Variants in CDH13 observed in about 807,000 individuals in gnomAD.
CDH13 encodes cadherin 13.
In CDH13, 24 loss-of-function variants were observed where a neutral mutation model predicts 63.8. The observed-to-expected ratio is 0.38, with a 90% CI of 0.27 to 0.53. The LOEUF (loss-of-function observed/expected upper bound fraction) is 0.53, where lower values mean the gene tolerates loss of function less well. CDH13 is among the 20% of genes least tolerant of loss of function. The pLI, the probability that CDH13 is intolerant of heterozygous loss-of-function variation, is 0.85. For missense variants in CDH13, 1,049 were observed against 903.1 expected, an observed-to-expected ratio of 1.16 and a Z score of -2.07; for synonymous variants, 503 against 355.3, an observed-to-expected ratio of 1.42 and a Z score of -4.67.
intron 6 of CDH13, among the ~76,000 whole-genome samples, chr16:83,472,410 G>A (rs1219347538): frequency 1.3e-5 from 2 of 152,232 alleles, no homozygotes; most frequent in African/African-American, 4.8e-5. Context: ...CCCCTAACAA[G>A]AGGCTGGAGA....
intron 4 of CDH13, among the ~76,000 whole-genome samples, chr16:83,146,823 C>T (rs1279448846): frequency 6.6e-6 from 1 of 152,184 alleles, no homozygotes; most frequent in Admixed American, 6.5e-5. Context: ...CATGGTGGCT[C>T]ACGCCTGTAA....
At chr16:83,548,320 G>T (rs889628255) in intron 7 of CDH13, among the ~76,000 whole-genome samples, 1 of 152,130 alleles carries the variant, frequency 6.6e-6, no homozygotes, top group Non-Finnish European at 1.5e-5. Context: ...TTTTTTGGTT[G>T]TTGCAACTGG....
intron 3 of CDH13, among the ~76,000 whole-genome samples, chr16:83,114,210 G>A (rs116153351): frequency 1.3e-5 from 2 of 152,224 alleles, no homozygotes; most frequent in African/African-American, 4.8e-5. Context: ...TTGGACCTTC[G>A]ATGCATTTTT....
chr16:83,401,837 C>T (rs2091972467), intron 6 of CDH13, among the ~76,000 whole-genome samples: 3 of 152,112 alleles, frequency 2.0e-5, no homozygotes, highest in African/African-American at 7.2e-5. Flanking sequence ...CTTTAGAATT[C>T]TCTGAGCCAA....
chr16:82,826,668 C>G (rs991848167), intron 1 of CDH13: 1 of 152,124 alleles, frequency 6.6e-6, no homozygotes, highest in Non-Finnish European at 1.5e-5. Context: ...TAAATTGCTT[C>G]GTACAATGAA....
chr16:82,813,505 T>G (rs1232951113), intron 1 of CDH13, among the ~76,000 whole-genome samples: 3 of 152,164 alleles, frequency 2.0e-5, no homozygotes, highest in Non-Finnish European at 2.9e-5. Context: ...TCCTTTTAAG[T>G]GCAGAGAGTG....
At chr16:82,824,434 A>G (rs2038148409) in intron 1 of CDH13, 1 of 152,206 alleles carries the variant, frequency 6.6e-6, no homozygotes, top group Admixed American at 6.6e-5. Flanking sequence ...CAGAATTAGA[A>G]TATAATGAAT....
intron 5 of CDH13, among the ~76,000 whole-genome samples, chr16:83,276,656 T>G (rs112779518): frequency 0.028 from 4,243 of 151,708 alleles, 188 homozygotes; most frequent in African/African-American, 0.089. Context: ...GGATCACGAG[T>G]TCGGGAGATC....
chr16:83,770,708 TG>T (rs1196323814), intron 11 of CDH13, among the ~76,000 whole-genome samples: 3 of 152,188 alleles, frequency 2.0e-5, no homozygotes, highest in Non-Finnish European at 2.9e-5. Flanking sequence ...GATGTTGCCA[TG>T]GCATTTGTAA....
At chr16:83,074,518 T>A (rs889868459) in intron 3 of CDH13, among the ~76,000 whole-genome samples, 1 of 152,182 alleles carries the variant, frequency 6.6e-6, no homozygotes, top group Admixed American at 6.5e-5. Flanking sequence ...TACCAAGTAG[T>A]GGGATTGCTG....
At chr16:83,302,809 C>T (rs1489751492) in intron 5 of CDH13, among the ~76,000 whole-genome samples, 1 of 152,196 alleles carries the variant, frequency 6.6e-6, no homozygotes, top group Non-Finnish European at 1.5e-5. Context: ...GAGCAGGTGA[C>T]ACAGTGAGGT....
intron 1 of CDH13, among the ~76,000 whole-genome samples, chr16:82,670,391 C>A (rs977413617): frequency 6.6e-6 from 1 of 152,198 alleles, no homozygotes; most frequent in Admixed American, 6.5e-5. Context: ...TTCTCCTTCA[C>A]GCACCTATGG....
chr16:83,132,719 G>GAC (rs2036113903), intron 4 of CDH13, among the ~76,000 whole-genome samples: 1 of 152,016 alleles, frequency 6.6e-6, no homozygotes, highest in African/African-American at 2.4e-5. Flanking sequence ...TGAGCACCTG[G>GAC]CCTTAATTTC....
At chr16:83,776,079 A>G (rs1470901842) in intron 11 of CDH13, among the ~76,000 whole-genome samples, 2 of 152,202 alleles carry the variant, frequency 1.3e-5, no homozygotes, top group East Asian at 1.9e-4. Flanking sequence ...TCTTTAACTC[A>G]TCGCCCAAAG....
At chr16:83,132,032 A>C (rs2036076783) in intron 4 of CDH13, among the ~76,000 whole-genome samples, 1 of 152,188 alleles carries the variant, frequency 6.6e-6, no homozygotes, top group Non-Finnish European at 1.5e-5. Flanking sequence ...GTCTCACTGC[A>C]TCCAGATACT....
intron 8 of CDH13, among the ~76,000 whole-genome samples, chr16:83,659,315 CAAGGT>C (rs1384490783): frequency 2.0e-5 from 3 of 149,202 alleles, no homozygotes; most frequent in Non-Finnish European, 3.0e-5. Flanking sequence ...TCCTCACCAG[CAAGGT>C]CTCATGTCCT....
At chr16:83,289,381 C>T (rs2089410582) in intron 5 of CDH13, among the ~76,000 whole-genome samples, 1 of 152,164 alleles carries the variant, frequency 6.6e-6, no homozygotes, top group East Asian at 1.9e-4. Flanking sequence ...TGTGGGTGTA[C>T]ATCACAATCA....
At chr16:82,970,247 A>G (rs1908512006) in intron 2 of CDH13, among the ~76,000 whole-genome samples, 1 of 152,120 alleles carries the variant, frequency 6.6e-6, no homozygotes, top group South Asian at 2.1e-4. Flanking sequence ...GATCCTGCAA[A>G]AGACAGGAAC....
chr16:82,884,116 G>A lies in CDH13; in HGVS notation c.157+25643G>A, dbSNP rs1159312359. 3 of 449,764 alleles carry A rather than the reference G, an allele frequency of 6.7e-6. No homozygotes were observed. The East Asian group carries it at 2.1e-4, about 31-fold the overall frequency. The allele number at this position is 449,764 out of a possible 1,614,324, so 27.9% of individuals were successfully genotyped here. ...CATTAGGTGAATAAATACAAATATT[G>A]TTGATTGAATGCATGTCTGCATGCA... On this transcript the variant is annotated intron_variant, in intron 2 of 13. Coordinates refer to ENST00000567109, the MANE Select transcript of CDH13 (RefSeq NM_001257.5).
Sources: allele counts gnomAD v4.1 joint callset (sites outside exome capture counted in the v4.1 genomes callset), GRCh38; gene constraint gnomAD v4.1.1; transcripts MANE v1.5; gene names NCBI Gene and HGNC (gene_info 2026-07-23, HGNC 2026-07-21).